The following PLPP4 variants were observed in gnomAD, a reference collection of about 807,000 sequenced individuals.
PLPP4 encodes the protein phospholipid phosphatase 4.
PLPP4 carries 20 observed loss-of-function variants against 32.2 expected under a neutral mutation model. That is an observed-to-expected ratio of 0.62 (90% CI 0.44 to 0.90). PLPP4 has a LOEUF of 0.90. Among genes scored for constraint, PLPP4 ranks in the 40% least tolerant of loss-of-function variants. PLPP4 has a pLI of 0.00. For missense variants in PLPP4, 257 were observed against 353.1 expected, an observed-to-expected ratio of 0.73 and a Z score of 2.18; for synonymous variants, 127 against 133.0, an observed-to-expected ratio of 0.95 and a Z score of 0.31.
chr10:120,521,091 C>T lies in PLPP4; in HGVS notation c.441C>T (p.Ser147=). The change falls in exon 5 of 7, where the codon TCC becomes TCT. Residue 147 remains serine (S), a synonymous_variant. Coordinates refer to ENST00000398250, the MANE Select transcript of PLPP4 (RefSeq NM_001030059.3). ...EGRKSFPSIH[S]SFAFSGLGFT... ...GCAAAAGCTTCCCCAGCATCCATTC[C>T]TCCTGTAAGTTCATGGCTGGGATTC... 1 of 1,614,052 alleles carries T rather than the reference C, an allele frequency of 6.2e-7. No homozygotes were observed. Among genetic ancestry groups the T allele is most frequent in the East Asian group, 2.2e-5 (1 of 44,866 alleles).
intron 1 of PLPP4, among the ~76,000 whole-genome samples, chr10:120,486,315 G>A (rs1335766193): frequency 1.3e-5 from 2 of 151,638 alleles, no homozygotes; most frequent in Non-Finnish European, 2.9e-5. Context: ...CTTTTGATGG[G>A]AGACATGGAC....
intron 1 of PLPP4, among the ~76,000 whole-genome samples, chr10:120,483,656 G>C (rs1008535815): frequency 1.3e-5 from 2 of 152,210 alleles, no homozygotes; most frequent in African/African-American, 4.8e-5. Context: ...CCTAATGGAA[G>C]GTGTTTGGGT....
At chr10:120,466,757 G>A (rs930900574) in intron 1 of PLPP4, among the ~76,000 whole-genome samples, 2 of 69,642 alleles carry the variant, frequency 2.9e-5, no homozygotes, top group African/African-American at 6.0e-5. Context: ...CTGTTAAACG[G>A]GTACACTCTC....
At chr10:120,491,315 A>G (rs903973155) in intron 1 of PLPP4, among the ~76,000 whole-genome samples, 2 of 152,162 alleles carry the variant, frequency 1.3e-5, no homozygotes, top group African/African-American at 4.8e-5. Flanking sequence ...CAAAGTTATT[A>G]AGCAGCTGCT....
intron 2 of PLPP4, among the ~76,000 whole-genome samples, chr10:120,508,620 T>G (rs931493839): frequency 6.6e-6 from 1 of 152,114 alleles, no homozygotes; most frequent in African/African-American, 2.4e-5. Flanking sequence ...CATCAGCAGG[T>G]GGGGATGACT....
intron 2 of PLPP4, among the ~76,000 whole-genome samples, chr10:120,513,453 C>A (rs1267896368): frequency 6.6e-6 from 1 of 152,130 alleles, no homozygotes; most frequent in Non-Finnish European, 1.5e-5. Flanking sequence ...CTCTGCTTTG[C>A]AGAAGAGATA....
chr10:120,545,755 A>G (rs1401253346), intron 5 of PLPP4, among the ~76,000 whole-genome samples: 4 of 152,152 alleles, frequency 2.6e-5, no homozygotes, highest in African/African-American at 9.7e-5. Flanking sequence ...TTGAGTGTCA[A>G]CTTGATTGGG....
At chr10:120,462,329 G>T (rs1189935344) in intron 1 of PLPP4, among the ~76,000 whole-genome samples, 1 of 151,802 alleles carries the variant, frequency 6.6e-6, no homozygotes, top group South Asian at 2.1e-4. Context: ...AGGCAAAACT[G>T]GGGGGGCCTG....
chr10:120,566,428 A>G (rs1848693596), intron 5 of PLPP4, among the ~76,000 whole-genome samples: 1 of 152,184 alleles, frequency 6.6e-6, no homozygotes, highest in South Asian at 2.1e-4. Flanking sequence ...TGGATAGCAA[A>G]AACCTACGAG....
intron 5 of PLPP4, among the ~76,000 whole-genome samples, chr10:120,551,894 C>T (rs542493624): frequency 1.3e-5 from 2 of 152,218 alleles, no homozygotes; most frequent in Non-Finnish European, 2.9e-5. Flanking sequence ...AGTGGAGTCT[C>T]CTCTCCTGTC....
chr10:120,457,382 G>A (rs1847832809), intron 1 of PLPP4, 21 bp downstream of exon 1: 2 of 1,527,762 alleles, frequency 1.3e-6, no homozygotes, highest in Non-Finnish European at 1.8e-6. Flanking sequence ...GCGCACCGCG[G>A]GCAGGGCGCA....
chr10:120,557,430 T>C (rs1280448393), intron 5 of PLPP4, among the ~76,000 whole-genome samples: 1 of 152,210 alleles, frequency 6.6e-6, no homozygotes, highest in African/African-American at 2.4e-5. Flanking sequence ...CTCCGGAGAA[T>C]GCCATGTCTT....
intron 1 of PLPP4, among the ~76,000 whole-genome samples, chr10:120,474,108 T>A (rs1454925983): frequency 6.6e-6 from 1 of 152,174 alleles, no homozygotes; most frequent in Non-Finnish European, 1.5e-5. Context: ...AACCTGTATA[T>A]GGATTTATGT....
chr10:120,480,750 A>C (rs1844161310), intron 1 of PLPP4, among the ~76,000 whole-genome samples: 1 of 152,200 alleles, frequency 6.6e-6, no homozygotes, highest in African/African-American at 2.4e-5. Context: ...AAAGGGTGCT[A>C]ATCTGCCCCC....
chr10:120,502,061 C>T (rs1475604356), intron 1 of PLPP4, among the ~76,000 whole-genome samples: 3 of 152,144 alleles, frequency 2.0e-5, no homozygotes, highest in African/African-American at 7.2e-5. Flanking sequence ...GGGCTGATAG[C>T]AGAAGTGACT....
At chr10:120,569,085 A>G (rs1807305767) in intron 5 of PLPP4, among the ~76,000 whole-genome samples, 1 of 152,070 alleles carries the variant, frequency 6.6e-6, no homozygotes, top group Non-Finnish European at 1.5e-5. Flanking sequence ...CCAAAAATAC[A>G]AAAACTAGCT....
chr10:120,588,281 G>A (rs576217030), intron 6 of PLPP4, among the ~76,000 whole-genome samples: 71 of 152,320 alleles, frequency 4.7e-4, no homozygotes, highest in African/African-American at 1.6e-3. Context: ...GGTCTCTATT[G>A]AGAACTACCT....
Position 120,518,846 on chromosome 10 carries a change from T to A in PLPP4, c.270T>A (p.Ala90=), listed in dbSNP as rs534795492. 1.2e-6 allele frequency: 2 copies of A among 1,613,030 alleles called. No individual in the cohort carries two copies. The highest frequency in any genetic ancestry group is 2.7e-5 in the African/African-American group (2 of 75,028). The change falls in exon 4 of 7, where the codon GCT becomes GCA. Residue 90 remains alanine (A), a synonymous_variant. Transcript: ENST00000398250. ...TTTGTTTTGTAGCGGTGTCCTTGGC[T>A]CTTGCTTTGAATGGAGTCTGCACAA... ...IKEAFLAVSL[A]LALNGVCTNT...
intron 5 of PLPP4, among the ~76,000 whole-genome samples, chr10:120,562,733 C>A (rs1848494888): frequency 6.6e-6 from 1 of 152,130 alleles, no homozygotes; most frequent in African/African-American, 2.4e-5. Context: ...CCTACCTTGG[C>A]TAAGATGTAT....
Sources: gnomAD v4.1 joint callset for allele counts (sites outside exome capture counted in the v4.1 genomes callset) on GRCh38, gnomAD v4.1.1 for gene constraint, MANE v1.5 for transcripts, NCBI Gene and HGNC (gene_info 2026-07-23, HGNC 2026-07-21) for gene names.